SEPTIN9: variants seen among roughly 807,000 people sequenced by gnomAD.
SEPTIN9 encodes septin-9.
SEPTIN9 carries 13 observed loss-of-function variants against 56.6 expected under a neutral mutation model. That is an observed-to-expected ratio of 0.23 (90% confidence interval 0.15 to 0.37). SEPTIN9 has a LOEUF of 0.37. Among genes scored for constraint, SEPTIN9 ranks in the 10% least tolerant of loss-of-function variants. SEPTIN9 has a pLI of 1.00. For synonymous variants in SEPTIN9, 332 were observed against 334.1 expected, an observed-to-expected ratio of 0.99 and a Z score of 0.07; for missense variants, 650 against 823.1, an observed-to-expected ratio of 0.79 and a Z score of 2.57.
At chr17:77,496,668 C>T (rs900822069) in intron 10 of SEPTIN9, among the ~76,000 whole-genome samples, 2 of 152,238 alleles carry the variant, frequency 1.3e-5, no homozygotes, top group Admixed American at 6.5e-5. Flanking sequence ...GCCACTGTCC[C>T]GAGCTTGGGC....
chr17:77,370,198 C>G (rs2034678253), intron 2 of SEPTIN9, among the ~76,000 whole-genome samples: 1 of 152,234 alleles, frequency 6.6e-6, no homozygotes, highest in South Asian at 2.1e-4. Flanking sequence ...TGTCCTCTCA[C>G]AGTTCTGGAG....
At chr17:77,457,954 C>T (rs1449769428) in intron 3 of SEPTIN9, among the ~76,000 whole-genome samples, 1 of 152,232 alleles carries the variant, frequency 6.6e-6, no homozygotes, top group African/African-American at 2.4e-5. Flanking sequence ...GGCAGCGTCC[C>T]CTGGGTAAAC....
At chr17:77,349,082 ATTCT>A (rs918606113) in intron 2 of SEPTIN9, among the ~76,000 whole-genome samples, 5 of 152,044 alleles carry the variant, frequency 3.3e-5, no homozygotes, top group African/African-American at 1.2e-4. Flanking sequence ...TTTTGCTGTC[ATTCT>A]TTCTTTTTTT....
rs2040066446 is a variant in SEPTIN9, at chr17:77,492,347, T to G, written c.1381-274T>G. The stretch of plus-strand genomic sequence containing the variant: ...CCTGAGTACTTTCTTGGGGCTGTGA[T>G]GAGCAGGAGAAGAGAGGTGGGAGGT... On this transcript the variant is annotated intron_variant, in intron 8 of 11. Coordinates refer to ENST00000427177, the MANE Select transcript of SEPTIN9 (RefSeq NM_001113491.2). This position sits in a 1 kb window ranked among gnomAD's most constrained non-coding sequence, Gnocchi z 5.4. Among the ~76,000 whole-genome samples the G allele has an allele frequency of 2.0e-5, 3 of 152,074 alleles. No individual in the cohort carries two copies. Among genetic ancestry groups the G allele is most frequent in the Admixed American group, 1.3e-4 (2 of 15,262 alleles).
intron 2 of SEPTIN9, among the ~76,000 whole-genome samples, chr17:77,381,395 CCTT>C (rs555654293): frequency 1.2e-3 from 175 of 152,112 alleles, no homozygotes; most frequent in Middle Eastern, 3.4e-3. Context: ...GGCAGGATCT[CCTT>C]CTGTCCCCAC....
intron 1 of SEPTIN9, among the ~76,000 whole-genome samples, chr17:77,294,182 G>T (rs751211611): frequency 6.6e-6 from 1 of 151,956 alleles, no homozygotes; most frequent in Non-Finnish European, 1.5e-5. Context: ...ACTGTGGGAG[G>T]TTGAGATGGG....
rs1432002501 is a variant in SEPTIN9, at chr17:77,429,808, T to G, written c.721+27105T>G. ...CTCGGGACCACAGAGGGGTGGGCTG[T>G]GCTCAGGGCAACACAGCGGATGGGG... On this transcript the variant is annotated intron_variant, in intron 3 of 11. Transcript: ENST00000427177. The surrounding 1 kb of genome is among the most constrained non-coding windows in gnomAD (Gnocchi z 5.2). Among the ~76,000 whole-genome samples, 1 of 152,156 alleles carries G rather than the reference T, an allele frequency of 6.6e-6. No homozygotes were observed. Among genetic ancestry groups the G allele is most frequent in the Non-Finnish European group, 1.5e-5 (1 of 68,006 alleles).
Position 77,394,012 on chromosome 17 carries a change from G to A in SEPTIN9, c.77-8047G>A, listed in dbSNP as rs1460817315. 3.9e-5 allele frequency among the ~76,000 whole-genome samples: 6 copies of A among 152,180 alleles called. No homozygotes were observed. In the South Asian group the frequency reaches 6.2e-4, roughly 16 times the overall value. On this transcript the variant is annotated intron_variant, in intron 2 of 11. Transcript: ENST00000427177. ...CCTGCTCTCAGCCCTGAAATAAAGA[G>A]CACGGTCCCTGTGCAGGCCCATACG...
At chr17:77,379,964 C>G (rs1316838990) in intron 2 of SEPTIN9, among the ~76,000 whole-genome samples, 2 of 152,016 alleles carry the variant, frequency 1.3e-5, no homozygotes, top group East Asian at 3.9e-4. Flanking sequence ...CTTATGAGAC[C>G]AAAGGGTCCG....
chr17:77,316,818 C>T (rs554056627), intron 2 of SEPTIN9, among the ~76,000 whole-genome samples: 8 of 152,090 alleles, frequency 5.3e-5, no homozygotes, highest in South Asian at 4.2e-4. Context: ...GCAATCCTTC[C>T]GCCGCAGCCT....
rs1175218597 is a variant in SEPTIN9, at chr17:77,371,002, T to C, written c.77-31057T>C. Among the ~76,000 whole-genome samples the C allele has an allele frequency of 6.6e-6, 1 of 152,218 alleles. No homozygotes were observed. The highest frequency in any genetic ancestry group is 1.5e-5 in the Non-Finnish European group (1 of 68,038). ...GACTTGAAGGGTGGTGCCCAGCTGT[T>C]TCCCATCTCCTCTGAGGACAGGAAA... On this transcript the variant is annotated intron_variant, in intron 2 of 11. Coordinates refer to ENST00000427177, the MANE Select transcript of SEPTIN9 (RefSeq NM_001113491.2). This position sits in a 1 kb window ranked among gnomAD's most constrained non-coding sequence, Gnocchi z 4.1.
intron 3 of SEPTIN9, among the ~76,000 whole-genome samples, chr17:77,414,971 G>A (rs1356619477): frequency 6.6e-6 from 1 of 152,214 alleles, no homozygotes; most frequent in Non-Finnish European, 1.5e-5. Flanking sequence ...CATCCACATT[G>A]TGGCAGGTGC....
intron 3 of SEPTIN9, among the ~76,000 whole-genome samples, chr17:77,459,236 T>C (rs1225172759): frequency 1.3e-5 from 2 of 152,224 alleles, no homozygotes; most frequent in African/African-American, 4.8e-5. Context: ...TCTGGCTGCC[T>C]CCTGGCCCTG....
Position 77,436,981 on chromosome 17 carries a change from C to A in SEPTIN9, c.721+34278C>A, listed in dbSNP as rs1363170063. Among the ~76,000 whole-genome samples, 2 of 152,208 alleles carry A rather than the reference C, an allele frequency of 1.3e-5. No homozygotes were observed. Among genetic ancestry groups the A allele is most frequent in the Non-Finnish European group, 2.9e-5 (2 of 68,034 alleles). ...CAGATTCACGCGATTGTGCAGATCA[C>A]CTGGCCTCACTCCCTCGGTTTACAG... On this transcript the variant is annotated intron_variant, in intron 3 of 11. Transcript: ENST00000427177. The surrounding 1 kb of genome is among the most constrained non-coding windows in gnomAD (Gnocchi z 4.4).
intron 3 of SEPTIN9, among the ~76,000 whole-genome samples, chr17:77,407,040 T>TG (rs112045176): frequency 0.073 from 11,162 of 151,998 alleles, 1,239 homozygotes; most frequent in African/African-American, 0.24. Flanking sequence ...TCCAGCACTT[T>TG]GGAGGCCGAA....
intron 3 of SEPTIN9, among the ~76,000 whole-genome samples, chr17:77,416,198 G>A (rs2036500829): frequency 6.6e-6 from 1 of 152,158 alleles, no homozygotes; most frequent in African/African-American, 2.4e-5. Flanking sequence ...GCACCTGGAC[G>A]AAGGCCTCAC....
chr17:77,429,292 C>G lies in SEPTIN9; in HGVS notation c.721+26589C>G, dbSNP rs312897. On this transcript the variant is annotated intron_variant, in intron 3 of 11. Transcript: ENST00000427177. This position sits in a 1 kb window ranked among gnomAD's most constrained non-coding sequence, Gnocchi z 5.2. Reference sequence around the variant, plus strand: ...GTAATTTTGATGGTGCCGATGCCGTCAGCACGCAGGCCTCCTGCCCTCGCC... The same window carrying G: ...GTAATTTTGATGGTGCCGATGCCGTGAGCACGCAGGCCTCCTGCCCTCGCC... 0.01 allele frequency: 4,810 copies of G among 471,246 alleles called. 212 individuals are homozygous for G. Among genetic ancestry groups the G allele is most frequent in the African/African-American group, 0.087 (4,355 of 50,196 alleles). 29.2% of individuals were successfully genotyped at this position (471,246 alleles called of 1,614,324 possible). A position where few individuals can be genotyped will look rare whatever the true frequency, so the allele number is the denominator to read the frequency against.
chr17:77,481,546 C>T (rs9896149), intron 3 of SEPTIN9, among the ~76,000 whole-genome samples: 3,658 of 152,196 alleles, frequency 0.024, 55 homozygotes, highest in Middle Eastern at 0.034. Context: ...GTTCTATCCC[C>T]CTTTCTTACA....
chr17:77,406,829 C>A (rs1156808748), intron 3 of SEPTIN9, among the ~76,000 whole-genome samples: 2 of 152,084 alleles, frequency 1.3e-5, no homozygotes, highest in Admixed American at 6.5e-5. Context: ...GGCTACCACG[C>A]CTGGCTAACT....
Sources: gnomAD v4.1 joint callset for allele counts (sites outside exome capture counted in the v4.1 genomes callset) on GRCh38, gnomAD v4.1.1 for gene constraint, Gnocchi (gnomAD v3.1) non-coding constraint, MANE v1.5 for transcripts, NCBI Gene and HGNC (gene_info 2026-07-23, HGNC 2026-07-21) for gene names.